FGF14: variants seen among roughly 807,000 people sequenced by gnomAD.
FGF14 encodes the protein fibroblast growth factor 14, also known as fibroblast growth factor homologous factor 4.
A neutral mutation model predicts 25.5 loss-of-function variants in FGF14; 5 were observed. The observed-to-expected ratio is 0.20, with a 90% CI of 0.10 to 0.41. The LOEUF is 0.41. FGF14 is among the 10% of genes least tolerant of loss of function. The probability of loss-of-function intolerance (pLI) is 1.00; values close to 1 mark genes in which losing one functional copy is unlikely to be tolerated. For missense variants in FGF14, 222 were observed against 320.1 expected, an observed-to-expected ratio of 0.69 and a Z score of 2.34; for synonymous variants, 138 against 118.3, an observed-to-expected ratio of 1.17 and a Z score of -1.08.
At chr13:101,975,598 T>A (rs1594882443) in intron 1 of FGF14, among the ~76,000 whole-genome samples, 1 of 148,806 alleles carries the variant, frequency 6.7e-6, no homozygotes, top group South Asian at 2.2e-4. Context: ...TCCATGGGCT[T>A]GAGCACAGAT....
Position 102,340,440 on chromosome 13 carries a change from TACAC to T in FGF14, c.208+61027_208+61030del, listed in dbSNP as rs139037869. Among the ~76,000 whole-genome samples, 529 of 148,678 alleles carry T rather than the reference TACAC, an allele frequency of 3.6e-3. 1 individual carries two copies. The highest frequency in any genetic ancestry group is 0.012 in the African/African-American group (481 of 40,820). On this transcript the variant is annotated intron_variant, in intron 1 of 4. Coordinates refer to the FGF14 transcript ENST00000376131. Reference sequence around the variant, plus strand: ...ACATCCTTGCCACAGTACAAACACATACACACACACACACACACACACGCCAAAA... The same window carrying T: ...ACATCCTTGCCACAGTACAAACACATACACACACACACACACACGCCAAAA...
chr13:101,909,850 C>T (rs2032705000), intron 1 of FGF14, among the ~76,000 whole-genome samples: 1 of 152,044 alleles, frequency 6.6e-6, no homozygotes, highest in Non-Finnish European at 1.5e-5. Flanking sequence ...CCCAAATGTC[C>T]AACAATGATA....
intron 1 of FGF14, among the ~76,000 whole-genome samples, chr13:101,903,680 C>G (rs1306498618): frequency 6.6e-6 from 1 of 152,010 alleles, no homozygotes; most frequent in Non-Finnish European, 1.5e-5. Flanking sequence ...ATAGAATATA[C>G]AAAGATGATT....
intron 1 of FGF14, among the ~76,000 whole-genome samples, chr13:101,925,612 A>G (rs533447500): frequency 1.3e-5 from 2 of 152,352 alleles, no homozygotes; most frequent in South Asian, 2.1e-4. Flanking sequence ...AGGAAATGTT[A>G]TAATTTTAAA....
intron 1 of FGF14, among the ~76,000 whole-genome samples, chr13:101,989,370 G>A (rs998828840): frequency 6.6e-5 from 10 of 151,990 alleles, no homozygotes. Flanking sequence ...TTATCCATGA[G>A]TTTTTAGTTT....
chr13:101,726,137 C>A (rs934996982), intron 4 of FGF14, among the ~76,000 whole-genome samples: 56 of 152,016 alleles, frequency 3.7e-4, no homozygotes, highest in African/African-American at 1.4e-3. Flanking sequence ...TCTTATTTTT[C>A]TGTAATTATA....
chr13:102,198,242 A>G (rs373262757), intron 1 of FGF14, among the ~76,000 whole-genome samples: 36 of 152,320 alleles, frequency 2.4e-4, no homozygotes, highest in Admixed American at 1.5e-3. Context: ...GAATCAGAGG[A>G]ATAAAACACA....
chr13:101,903,214 C>G (rs1445927541), intron 1 of FGF14, among the ~76,000 whole-genome samples: 4 of 151,158 alleles, frequency 2.6e-5, no homozygotes, highest in South Asian at 2.1e-4. Flanking sequence ...AGTTACAGAT[C>G]AGAGTTGTGG....
upstream of FGF14, among the ~76,000 whole-genome samples, chr13:101,919,391 T>C (rs1289156486): frequency 6.6e-6 from 1 of 151,662 alleles, no homozygotes; most frequent in African/African-American, 2.4e-5. Flanking sequence ...ACACACCTAG[T>C]TTATTTTTAA....
intron 1 of FGF14, among the ~76,000 whole-genome samples, chr13:101,924,520 T>C (rs915510998): frequency 6.6e-6 from 1 of 152,212 alleles, no homozygotes; most frequent in Non-Finnish European, 1.5e-5. Flanking sequence ...CTTCACAGTA[T>C]AGAACTTTTA....
chr13:102,281,906 A>T (rs1041477180), intron 1 of FGF14, among the ~76,000 whole-genome samples: 1 of 152,058 alleles, frequency 6.6e-6, no homozygotes, highest in Non-Finnish European at 1.5e-5. Context: ...AAGATTGATC[A>T]TTTCTCTACT....
At chr13:102,139,265 T>C (rs1031964239) in intron 1 of FGF14, among the ~76,000 whole-genome samples, 19 of 151,914 alleles carry the variant, frequency 1.3e-4, no homozygotes, top group African/African-American at 4.6e-4. Flanking sequence ...CCAGGCGTGG[T>C]AGCACGTGCC....
intron 1 of FGF14, among the ~76,000 whole-genome samples, chr13:101,994,734 C>T (rs1240981309): frequency 6.6e-6 from 1 of 151,918 alleles, no homozygotes; most frequent in Non-Finnish European, 1.5e-5. Flanking sequence ...CTAATATAAA[C>T]ACATTCTGCT....
At chr13:102,313,826 G>C (rs2055889790) in intron 1 of FGF14, among the ~76,000 whole-genome samples, 1 of 152,146 alleles carries the variant, frequency 6.6e-6, no homozygotes, top group Non-Finnish European at 1.5e-5. Context: ...AGTCCAAATG[G>C]AAAGCAACAA....
intron 1 of FGF14, among the ~76,000 whole-genome samples, chr13:101,915,413 C>A (rs888385319): frequency 3.3e-5 from 5 of 152,278 alleles, no homozygotes; most frequent in Admixed American, 2.6e-4. Context: ...AACATATACT[C>A]CCATTAACGT....
chr13:101,778,094 G>C (rs962113604), intron 3 of FGF14, among the ~76,000 whole-genome samples: 2 of 152,142 alleles, frequency 1.3e-5, no homozygotes, highest in African/African-American at 4.8e-5. Flanking sequence ...TCAAATGTCT[G>C]GGATGCTTGC....
At chr13:101,890,123 C>T (rs966750349) in intron 1 of FGF14, among the ~76,000 whole-genome samples, 12 of 152,060 alleles carry the variant, frequency 7.9e-5, no homozygotes, top group Non-Finnish European at 1.6e-4. Context: ...AGACATAGCT[C>T]CTTTAGACTA....
At chr13:102,056,634 AC>A (rs1359426267) in intron 1 of FGF14, among the ~76,000 whole-genome samples, 2 of 152,106 alleles carry the variant, frequency 1.3e-5, no homozygotes, top group Non-Finnish European at 2.9e-5. Flanking sequence ...CAACTAAGAA[AC>A]ATTTCGTAAT....
intron 1 of FGF14, among the ~76,000 whole-genome samples, chr13:102,000,840 G>A (rs549466147): frequency 6.6e-6 from 1 of 152,306 alleles, no homozygotes; most frequent in East Asian, 1.9e-4. Context: ...GATAGAAAAT[G>A]CCAATGGAAA....
Sources: allele counts gnomAD v4.1 joint callset (sites outside exome capture counted in the v4.1 genomes callset), GRCh38; gene constraint gnomAD v4.1.1; transcripts MANE v1.5; gene names NCBI Gene and HGNC (gene_info 2026-07-23, HGNC 2026-07-21).